The following HIP1 variants were observed in gnomAD, a reference collection of about 807,000 sequenced individuals.
The protein encoded by HIP1 is huntingtin interacting protein 1.
HIP1 carries 65 observed loss-of-function variants against 147.6 expected under a neutral mutation model. That is an observed-to-expected ratio of 0.44 (90% CI 0.36 to 0.54). HIP1 has a LOEUF of 0.54. Ranked by LOEUF, HIP1 falls within the 20% of genes least tolerant of loss-of-function variation. The pLI is 0.00. For synonymous variants in HIP1, 479 were observed against 504.0 expected (o/e 0.95, Z 0.67); for missense variants, 1,061 against 1,299.6 (o/e 0.82, Z 2.82).
At chr7:75,586,602 T>C (rs1796293604) in intron 5 of HIP1, 151 bp downstream of exon 5, 1 of 628,450 alleles carries the variant, frequency 1.6e-6, no homozygotes, top group Admixed American at 2.7e-5. Flanking sequence ...GTGGCTTTCC[T>C]CTCTCACAGC....
chr7:75,662,082 G>T (rs2117215550), intron 1 of HIP1, among the ~76,000 whole-genome samples: 1 of 151,398 alleles, frequency 6.6e-6, no homozygotes, highest in Non-Finnish European at 1.5e-5. Flanking sequence ...GAAGGTGGAG[G>T]GGAGGGAGGA....
chr7:75,630,693 C>T (rs1453441352), intron 1 of HIP1, among the ~76,000 whole-genome samples: 38 of 152,050 alleles, frequency 2.5e-4, no homozygotes, highest in African/African-American at 2.4e-5. Context: ...CTTAAGTTGC[C>T]GGCTGGTTAA....
chr7:75,595,057 CAT>C (rs1554501589), intron 2 of HIP1, among the ~76,000 whole-genome samples: 1 of 152,100 alleles, frequency 6.6e-6, no homozygotes, highest in African/African-American at 2.4e-5. Context: ...ACCCAGAGCA[CAT>C]GTTATTTTGC....
intron 1 of HIP1, among the ~76,000 whole-genome samples, chr7:75,725,409 C>T (rs1801621601): frequency 6.6e-6 from 1 of 152,044 alleles, no homozygotes; most frequent in Non-Finnish European, 1.5e-5. Flanking sequence ...AATGAATTAT[C>T]AAAAACCATT....
At chr7:75,558,487 G>A (rs879968076) in intron 14 of HIP1, among the ~76,000 whole-genome samples, 17 of 152,072 alleles carry the variant, frequency 1.1e-4, no homozygotes, top group Non-Finnish European at 1.8e-4. Context: ...ATGGGCACAC[G>A]CCACCACACC....
intron 14 of HIP1, among the ~76,000 whole-genome samples, chr7:75,559,326 G>A (rs1455761996): frequency 2.0e-5 from 3 of 152,004 alleles, no homozygotes; most frequent in Non-Finnish European, 4.4e-5. Flanking sequence ...ATGTTGCCCG[G>A]GTTGGTCTTG....
chr7:75,720,725 C>T (rs782542586), intron 1 of HIP1, among the ~76,000 whole-genome samples: 3 of 152,146 alleles, frequency 2.0e-5, no homozygotes, highest in Non-Finnish European at 4.4e-5. Context: ...GGTTTTTCTC[C>T]TGGCCTGGGC....
rs527327059 is a variant in HIP1, at chr7:75,648,623, T to A, written c.121-49376A>T. ...ACCCCCAGAACCTTTCCATTCTGCA[T>A]GATAGACCCCCTAAGCTGCCGGAAG... On this transcript the variant is annotated intron_variant, in intron 1 of 30. Coordinates refer to ENST00000336926, the MANE Select transcript of HIP1 (RefSeq NM_005338.7). 7.9e-5 allele frequency among the ~76,000 whole-genome samples: 12 copies of A among 152,140 alleles called. 1 individual carries two copies. The highest frequency in any genetic ancestry group is 2.9e-4 in the African/African-American group (12 of 41,490).
intron 1 of HIP1, among the ~76,000 whole-genome samples, chr7:75,602,494 C>CTTTTT (rs60265858): frequency 1.4e-5 from 1 of 71,482 alleles, no homozygotes; most frequent in Non-Finnish European, 2.4e-5. Flanking sequence ...CAGATATGCT[C>CTTTTT]TTTTTTTTTT....
At chr7:75,726,710 T>C (rs1296956109) in intron 1 of HIP1, among the ~76,000 whole-genome samples, 1 of 151,008 alleles carries the variant, frequency 6.6e-6, no homozygotes, top group East Asian at 1.9e-4. Context: ...TTTCTTTTTT[T>C]TTTTTTTTTG....
chr7:75,688,390 G>A (rs573531789), intron 1 of HIP1, among the ~76,000 whole-genome samples: 6 of 151,880 alleles, frequency 4.0e-5, no homozygotes, highest in South Asian at 2.1e-4. Context: ...CGCCGGGTCC[G>A]GGCTCCCAGG....
intron 1 of HIP1, among the ~76,000 whole-genome samples, chr7:75,693,919 CTT>C (rs10628011): frequency 5.2e-5 from 6 of 114,844 alleles, no homozygotes; most frequent in African/African-American, 1.0e-4. Context: ...ATTCTCTTTT[CTT>C]TTTTTTTTTT....
chr7:75,549,372 C>CTTTTTT (rs60654435), intron 22 of HIP1, among the ~76,000 whole-genome samples: 1 of 121,198 alleles, frequency 8.3e-6, no homozygotes, highest in African/African-American at 3.1e-5. Context: ...CTTTTCTTTT[C>CTTTTTT]TTTTTTTTTT....
At chr7:75,596,862 C>T (rs149324311) in intron 2 of HIP1, among the ~76,000 whole-genome samples, 339 of 152,304 alleles carry the variant, frequency 2.2e-3, no homozygotes, top group African/African-American at 7.3e-3. Flanking sequence ...CTGACCCTGC[C>T]GCTGCAGGCC....
intron 1 of HIP1, among the ~76,000 whole-genome samples, chr7:75,622,283 A>G (rs2117095913): frequency 6.6e-6 from 1 of 152,204 alleles, no homozygotes; most frequent in South Asian, 2.1e-4. Context: ...TCTCAAAAAA[A>G]AAAAGAACAG....
intron 1 of HIP1, among the ~76,000 whole-genome samples, chr7:75,634,571 C>T (rs587754646): frequency 9.9e-5 from 15 of 152,254 alleles, no homozygotes; most frequent in Admixed American, 2.6e-4. Flanking sequence ...TTCTGTAAAA[C>T]GTGGCTAATC....
intron 1 of HIP1, among the ~76,000 whole-genome samples, chr7:75,705,646 C>T (rs781858476): frequency 6.6e-5 from 10 of 151,996 alleles, no homozygotes; most frequent in South Asian, 2.1e-4. Flanking sequence ...TGAGCCACCA[C>T]GCCTGGCCAG....
At chr7:75,729,805 AAAC>A (rs1554522783) in intron 1 of HIP1, among the ~76,000 whole-genome samples, 2 of 151,980 alleles carry the variant, frequency 1.3e-5, no homozygotes, top group East Asian at 3.9e-4. Context: ...ACAAACAAAC[AAAC>A]AAAAATCACA....
At chr7:75,609,593 C>G (rs1797353054) in intron 1 of HIP1, among the ~76,000 whole-genome samples, 1 of 151,662 alleles carries the variant, frequency 6.6e-6, no homozygotes, top group Non-Finnish European at 1.5e-5. Flanking sequence ...GAGTCTTGCC[C>G]TGTCGCCAGG....
Sources: allele counts gnomAD v4.1 joint callset (sites outside exome capture counted in the v4.1 genomes callset), GRCh38; gene constraint gnomAD v4.1.1; transcripts MANE v1.5; gene names NCBI Gene and HGNC (gene_info 2026-07-23, HGNC 2026-07-21).